Variants in ADGRB3 observed in about 807,000 individuals in gnomAD.
ADGRB3 encodes brain-specific angiogenesis inhibitor 3.
In ADGRB3, 37 loss-of-function variants were observed where a neutral mutation model predicts 193.4. The observed-to-expected ratio is 0.19, with a 90% CI of 0.15 to 0.25. ADGRB3 has a LOEUF of 0.25. Among genes scored for constraint, ADGRB3 ranks in the 10% least tolerant of loss-of-function variants. The pLI, the probability that ADGRB3 is intolerant of heterozygous loss-of-function variation, is 1.00. For missense variants in ADGRB3, 1,637 were observed against 1,852.9 expected, an observed-to-expected ratio of 0.88 and a Z score of 2.14; for synonymous variants, 690 against 644.2, an observed-to-expected ratio of 1.07 and a Z score of -1.08.
intron 3 of ADGRB3, among the ~76,000 whole-genome samples, chr6:68,840,369 CTTTTTTTTTTTTTTTTTTTTTTTTTTTT>C (rs752625602): frequency 2.9e-5 from 2 of 69,426 alleles, no homozygotes; most frequent in Non-Finnish European, 4.9e-5. Context: ...ACTGGGCAGT[CTTTTTTTTTTTTTTTTTTTTTTTTTTTT>C]TTTTTTTTTT....
intron 17 of ADGRB3, among the ~76,000 whole-genome samples, chr6:69,215,015 C>T (rs145708550): frequency 9.0e-4 from 137 of 151,852 alleles, no homozygotes; most frequent in African/African-American, 3.1e-3. Flanking sequence ...AAACACATGC[C>T]GACCTAAATT....
At chr6:68,818,606 T>C (rs9354802) in intron 3 of ADGRB3, among the ~76,000 whole-genome samples, 1,767 of 152,170 alleles carry the variant, frequency 0.012, 71 homozygotes, top group East Asian at 0.078. Flanking sequence ...AGCAATATAA[T>C]CTTGTGCCCT....
intron 3 of ADGRB3, among the ~76,000 whole-genome samples, chr6:68,652,449 T>G (rs1768388958): frequency 6.6e-6 from 1 of 152,124 alleles, no homozygotes; most frequent in Non-Finnish European, 1.5e-5. Flanking sequence ...AGGCCCCCTG[T>G]TGGACATCAA....
At chr6:69,378,244 C>T (rs1263810734) in intron 30 of ADGRB3, among the ~76,000 whole-genome samples, 2 of 152,038 alleles carry the variant, frequency 1.3e-5, no homozygotes, top group African/African-American at 2.4e-5. Flanking sequence ...CTTATGGGCT[C>T]ACTACAGAGG....
At chr6:68,828,197 T>TC (rs1220477843) in intron 3 of ADGRB3, among the ~76,000 whole-genome samples, 2 of 151,132 alleles carry the variant, frequency 1.3e-5, no homozygotes, top group African/African-American at 2.4e-5. Flanking sequence ...CTTTTTTTTT[T>TC]CCTCAATTTG....
intron 3 of ADGRB3, among the ~76,000 whole-genome samples, chr6:68,651,763 A>C (rs1022136393): frequency 4.6e-5 from 7 of 152,164 alleles, no homozygotes; most frequent in Non-Finnish European, 7.4e-5. Context: ...AGAAAGCCTA[A>C]AGCCGTGCCT....
chr6:69,233,226 C>T (rs562710451), intron 17 of ADGRB3, 64 bp from the exon 18 acceptor site: 1 of 1,580,036 alleles, frequency 6.3e-7, no homozygotes, highest in Admixed American at 1.8e-5. Context: ...GCATTTTCTT[C>T]TTTACGGATT....
intron 3 of ADGRB3, among the ~76,000 whole-genome samples, chr6:68,716,756 T>C (rs1316956910): frequency 6.6e-6 from 1 of 151,682 alleles, no homozygotes; most frequent in African/African-American, 2.4e-5. Flanking sequence ...AGTTCATCAT[T>C]GCTCTTAATT....
chr6:68,997,395 C>T (rs776761909), intron 11 of ADGRB3, among the ~76,000 whole-genome samples: 102 of 148,874 alleles, frequency 6.9e-4, no homozygotes, highest in Non-Finnish European at 1.2e-3. Context: ...GTAATCACAG[C>T]ACTTTGGGAG....
chr6:69,090,408 T>C (rs1447091349), intron 17 of ADGRB3, among the ~76,000 whole-genome samples: 1 of 152,220 alleles, frequency 6.6e-6, no homozygotes, highest in Non-Finnish European at 1.5e-5. Flanking sequence ...AAGTGCACTA[T>C]GGCCTTGCTT....
intron 17 of ADGRB3, among the ~76,000 whole-genome samples, chr6:69,133,032 T>C (rs1027036451): frequency 6.6e-6 from 1 of 152,196 alleles, no homozygotes; most frequent in Non-Finnish European, 1.5e-5. Context: ...ACTGTTGCCT[T>C]GTGGTATAAT....
chr6:69,241,244 A>G (rs1388755646), intron 20 of ADGRB3, among the ~76,000 whole-genome samples: 3 of 151,962 alleles, frequency 2.0e-5, no homozygotes, highest in African/African-American at 7.2e-5. Context: ...TGTAATTTAA[A>G]TTATATTAGT....
chr6:69,019,526 T>C (rs141251909), intron 13 of ADGRB3, among the ~76,000 whole-genome samples: 4 of 152,130 alleles, frequency 2.6e-5, no homozygotes, highest in African/African-American at 9.6e-5. Context: ...AGACTGATTT[T>C]ATCCTAGGAT....
At chr6:69,030,225 A>C (rs1013211090) in intron 13 of ADGRB3, among the ~76,000 whole-genome samples, 1 of 152,194 alleles carries the variant, frequency 6.6e-6, no homozygotes, top group East Asian at 1.9e-4. Flanking sequence ...AAGGACCTAG[A>C]ACCAGAAATA....
intron 16 of ADGRB3, among the ~76,000 whole-genome samples, chr6:69,066,950 C>A (rs1448861911): frequency 6.6e-6 from 1 of 152,054 alleles, no homozygotes; most frequent in African/African-American, 2.4e-5. Flanking sequence ...AGGTCTGGGC[C>A]TACTGTGACT....
intron 17 of ADGRB3, among the ~76,000 whole-genome samples, chr6:69,120,458 A>T (rs1773651494): frequency 6.6e-6 from 1 of 152,222 alleles, no homozygotes; most frequent in Non-Finnish European, 1.5e-5. Flanking sequence ...ACTTTTCCAG[A>T]ATGGGAACAT....
chr6:69,349,683 A>T (rs545137245), intron 26 of ADGRB3, among the ~76,000 whole-genome samples: 4 of 152,334 alleles, frequency 2.6e-5, no homozygotes, highest in African/African-American at 9.6e-5. Context: ...TTCAAAAAAT[A>T]AAAGGCCACA....
At chr6:68,782,422 G>A (rs567817941) in intron 3 of ADGRB3, among the ~76,000 whole-genome samples, 169 of 151,748 alleles carry the variant, frequency 1.1e-3, no homozygotes, top group African/African-American at 3.7e-3. Flanking sequence ...GAATAGTGCC[G>A]CAATAAACAT....
intron 11 of ADGRB3, among the ~76,000 whole-genome samples, chr6:69,001,483 G>A (rs1769574552): frequency 1.3e-5 from 2 of 152,152 alleles, no homozygotes; most frequent in South Asian, 4.1e-4. Context: ...TAAATAACAT[G>A]GATTGGTGAG....
Sources: allele counts gnomAD v4.1 joint callset (sites outside exome capture counted in the v4.1 genomes callset), GRCh38; gene constraint gnomAD v4.1.1; transcripts MANE v1.5; gene names NCBI Gene and HGNC (gene_info 2026-07-23, HGNC 2026-07-21).